PCDHA2: variants seen among roughly 807,000 people sequenced by gnomAD.
The protein encoded by PCDHA2 is protocadherin alpha-2.
A neutral mutation model predicts 66.0 loss-of-function variants in PCDHA2; 58 were observed. The ratio of observed to expected loss-of-function variants is 0.88; its 90% CI spans 0.71 to 1.09. The LOEUF (loss-of-function observed/expected upper bound fraction) is 1.09, where lower values mean the gene tolerates loss of function less well. Among genes scored for constraint, PCDHA2 ranks in the 50% least tolerant of loss-of-function variants. The probability of loss-of-function intolerance (pLI) is 0.00; values close to 1 mark genes in which losing one functional copy is unlikely to be tolerated. For synonymous variants in PCDHA2, 634 were observed against 554.0 expected (o/e 1.14, Z -2.03); for missense variants, 1,267 against 1,242.3 (o/e 1.02, Z -0.30).
intron 1 of PCDHA2, chr5:140,808,205 G>A: frequency 6.2e-7 from 1 of 1,614,254 alleles, no homozygotes; most frequent in Non-Finnish European, 8.5e-7. Context: ...TATTGTGGAA[G>A]TAGAAGACAA....
chr5:140,993,850 G>A (rs1187946683), intron 3 of PCDHA2, among the ~76,000 whole-genome samples: 2 of 152,144 alleles, frequency 1.3e-5, no homozygotes, highest in African/African-American at 4.8e-5. Context: ...TATGTAGTAG[G>A]CTATGCCATC....
Position 140,843,535 on chromosome 5 carries a change from T to G in PCDHA2, c.2388+46183T>G, listed in dbSNP as rs1554140200. On this transcript the variant is annotated intron_variant, in intron 1 of 3. Coordinates refer to ENST00000526136, the MANE Select transcript of PCDHA2 (RefSeq NM_018905.3). ...GCGGGTGCCGGGCGGGCAAGCCCAC[T>G]CTGGTGTGCTCCAGTGCGGTGGGGA... is the stretch of plus-strand genomic sequence containing the variant. The G allele has an allele frequency of 1.9e-6, 3 of 1,595,872 alleles. 1 individual carries two copies. Among genetic ancestry groups the G allele is most frequent in the Non-Finnish European group, 2.6e-6 (3 of 1,165,468 alleles).
In PCDHA2 at chr5:140,822,226, T is replaced by A. The variant is rs2150114732; in HGVS notation, c.2388+24874T>A. 1.2e-5 allele frequency: 19 copies of A among 1,614,276 alleles called. No homozygotes were observed. In the South Asian group the frequency reaches 2.1e-4, roughly 18 times the overall value. On this transcript the variant is annotated intron_variant, in intron 1 of 3. Coordinates refer to ENST00000526136, the MANE Select transcript of PCDHA2 (RefSeq NM_018905.3). The stretch of plus-strand genomic sequence containing the variant: ...AGAGTCAAGAATGCCAGATTCGCGG[T>A]TTCCGCTAGAGGGCGCGTCGGATTT...
Position 140,980,554 on chromosome 5 carries a change from C to T in PCDHA2, c.2447+1547C>T, listed in dbSNP as rs1283128844. Among the ~76,000 whole-genome samples, 9 of 152,008 alleles carry T rather than the reference C, an allele frequency of 5.9e-5. No individual in the cohort carries two copies. The South Asian group carries it at 1.5e-3, about 25-fold the overall frequency. On this transcript the variant is annotated intron_variant, in intron 2 of 3. Transcript: ENST00000526136. ...CTGAGGCAGGAGAATCGCTTGAACC[C>T]GGGAGGCGGAAGTTGCAGTGAGCCA...
intron 1 of PCDHA2, among the ~76,000 whole-genome samples, chr5:140,958,318 CA>C (rs2095417948): frequency 6.6e-6 from 1 of 151,816 alleles, no homozygotes; most frequent in Non-Finnish European, 1.5e-5. Flanking sequence ...AATTAGAGCT[CA>C]AAAAATAAAT....
At chr5:140,989,329 C>A (rs1554250749) in intron 3 of PCDHA2, among the ~76,000 whole-genome samples, 2 of 152,120 alleles carry the variant, frequency 1.3e-5, no homozygotes, top group African/African-American at 4.8e-5. Context: ...AACTTTGCCA[C>A]CTGACTCAGC....
Position 140,863,100 on chromosome 5 carries a change from C to A in PCDHA2, c.2388+65748C>A, listed in dbSNP as rs146061743. 4,507 of 579,870 alleles carry A rather than the reference C, an allele frequency of 7.8e-3. 34 individuals carry two copies. The highest frequency in any genetic ancestry group is 0.018 in the Middle Eastern group (62 of 3,436). The allele number at this position is 579,870 out of a possible 1,614,324, so 35.9% of individuals were successfully genotyped here. A position where few individuals can be genotyped will look rare whatever the true frequency, so the allele number is the denominator to read the frequency against. ...CGGGCGAGATCAGCACGACGAGTAC[C>A]CTGGACGAGGCGAAAGCTACGCGCC... On this transcript the variant is annotated intron_variant, in intron 1 of 3. Coordinates refer to ENST00000526136, the MANE Select transcript of PCDHA2 (RefSeq NM_018905.3).
chr5:140,834,303 G>A (rs797039275), intron 1 of PCDHA2: 4 of 1,308,316 alleles, frequency 3.1e-6, no homozygotes, highest in Admixed American at 2.2e-5. Context: ...CACACATCGA[G>A]ATTGAAATGA....
intron 1 of PCDHA2, among the ~76,000 whole-genome samples, chr5:140,827,573 T>G (rs1769335748): frequency 6.6e-6 from 1 of 152,222 alleles, no homozygotes; most frequent in Admixed American, 6.5e-5. Context: ...CACTATATAA[T>G]AGCATGTCCT....
chr5:140,825,713 C>T (rs1234281247), intron 1 of PCDHA2: 2 of 152,202 alleles, frequency 1.3e-5, no homozygotes, highest in African/African-American at 2.4e-5. Context: ...TGAGCCATCG[C>T]GCCTGGCCTA....
intron 1 of PCDHA2, among the ~76,000 whole-genome samples, chr5:140,838,075 ATAGTGTGTGTGT>A (rs1392208969): frequency 0.058 from 7,390 of 128,196 alleles, 326 homozygotes; most frequent in Middle Eastern, 0.092. Flanking sequence ...TTATATATAT[ATAGTGTGTGTGT>A]GTGTGTGTGT....
intron 1 of PCDHA2, chr5:140,843,796 T>C: frequency 2.2e-6 from 3 of 1,356,238 alleles, no homozygotes; most frequent in African/African-American, 1.4e-5. Context: ...GATTTAGTTT[T>C]TCACCGTATT....
intron 1 of PCDHA2, among the ~76,000 whole-genome samples, chr5:140,950,689 A>G (rs1585383013): frequency 2.6e-5 from 4 of 152,212 alleles, no homozygotes; most frequent in Admixed American, 2.6e-4. Flanking sequence ...ATTGTTAACC[A>G]AATTTGACAA....
At chr5:140,803,622 T>C (rs1003396292) in intron 1 of PCDHA2, 13 of 1,614,014 alleles carry the variant, frequency 8.1e-6, no homozygotes, top group Non-Finnish European at 1.1e-5. Context: ...CTTTCCAAAA[T>C]GTCTTTGTTT....
chr5:140,985,268 A>G (rs1399255449), intron 3 of PCDHA2, among the ~76,000 whole-genome samples: 6 of 152,098 alleles, frequency 3.9e-5, no homozygotes, highest in African/African-American at 1.2e-4. Context: ...TTTCTGGACT[A>G]CTTTTCTGCA....
intron 1 of PCDHA2, among the ~76,000 whole-genome samples, chr5:140,924,232 G>T (rs1554201826): frequency 6.6e-6 from 1 of 152,180 alleles, no homozygotes; most frequent in African/African-American, 2.4e-5. Flanking sequence ...ATTTTTATGG[G>T]CTGTTTTGCA....
intron 3 of PCDHA2, among the ~76,000 whole-genome samples, chr5:141,007,031 T>C (rs1554261019): frequency 6.6e-6 from 1 of 152,144 alleles, no homozygotes; most frequent in African/African-American, 2.4e-5. Flanking sequence ...ATGGTATTTA[T>C]ATCTATGGAT....
At chr5:140,982,688 A>ATACATACATGATTTCCT in intron 3 of PCDHA2, 125 bp downstream of exon 3, 1 of 1,415,764 alleles carries the variant, frequency 7.1e-7, no homozygotes, top group Non-Finnish European at 9.3e-7. Flanking sequence ...CCTTTTTTCC[A>ATACATACATGATTTCCT]TACATACATG....
chr5:140,834,198 C>A, intron 1 of PCDHA2: 3 of 594,856 alleles, frequency 5.0e-6, no homozygotes, highest in East Asian at 2.8e-5. Flanking sequence ...CGCTCTTTAC[C>A]GCAAATTCTT....
Sources: gnomAD v4.1 joint callset for allele counts (sites outside exome capture counted in the v4.1 genomes callset) on GRCh38, gnomAD v4.1.1 for gene constraint, MANE v1.5 for transcripts, NCBI Gene and HGNC (gene_info 2026-07-23, HGNC 2026-07-21) for gene names.